ZNF407: variants seen among roughly 807,000 people sequenced by gnomAD.
The protein encoded by ZNF407 is zinc finger protein 407.
Under a neutral mutation model 131.2 loss-of-function variants are expected in ZNF407, and 17 were observed. The ratio of observed to expected loss-of-function variants is 0.13; its 90% CI spans 0.09 to 0.19. The LOEUF (loss-of-function observed/expected upper bound fraction) is 0.19, where lower values mean the gene tolerates loss of function less well. Among genes scored for constraint, ZNF407 ranks in the 10% least tolerant of loss-of-function variants. The pLI, the probability that ZNF407 is intolerant of heterozygous loss-of-function variation, is 1.00. For synonymous variants in ZNF407, 1,156 were observed against 1,062.0 expected, an observed-to-expected ratio of 1.09 and a Z score of -1.72; for missense variants, 2,681 against 2,830.6, an observed-to-expected ratio of 0.95 and a Z score of 1.20.
intron 3 of ZNF407, among the ~76,000 whole-genome samples, chr18:74,680,388 G>A (rs1437897393): frequency 2.3e-5 from 3 of 133,002 alleles, no homozygotes; most frequent in Non-Finnish European, 4.7e-5. Flanking sequence ...CAGCCTGGGT[G>A]AGACCTTGCC....
intron 8 of ZNF407, among the ~76,000 whole-genome samples, chr18:75,026,802 G>T (rs757180577): frequency 1.3e-5 from 2 of 152,148 alleles, no homozygotes; most frequent in Non-Finnish European, 2.9e-5. Flanking sequence ...TGCCTAAGTC[G>T]ATGACTGCTT....
chr18:74,858,103 T>C (rs1453299537), intron 4 of ZNF407, among the ~76,000 whole-genome samples: 1 of 139,904 alleles, frequency 7.1e-6, no homozygotes, highest in Admixed American at 7.2e-5. Flanking sequence ...CTTCCTCCCT[T>C]CCTTTGCTCC....
intron 8 of ZNF407, among the ~76,000 whole-genome samples, chr18:74,943,890 G>A (rs551361479): frequency 7.9e-5 from 12 of 152,186 alleles, no homozygotes; most frequent in Admixed American, 1.3e-4. Flanking sequence ...TGACACTCTC[G>A]TTCTACTGAA....
At chr18:74,754,765 C>T (rs1423634005) in intron 3 of ZNF407, among the ~76,000 whole-genome samples, 4 of 152,146 alleles carry the variant, frequency 2.6e-5, no homozygotes, top group Non-Finnish European at 5.9e-5. Context: ...AGCTTTACTT[C>T]CAACTATGTG....
At chr18:74,849,172 G>A (rs575027993) in intron 4 of ZNF407, among the ~76,000 whole-genome samples, 1 of 150,524 alleles carries the variant, frequency 6.6e-6, no homozygotes, top group Non-Finnish European at 1.5e-5. Context: ...TCCGCCTCCC[G>A]GTTTCAAGCA....
chr18:74,777,796 C>A (rs1402095468), intron 3 of ZNF407, among the ~76,000 whole-genome samples: 1 of 151,894 alleles, frequency 6.6e-6, no homozygotes, highest in East Asian at 1.9e-4. Context: ...GAAATGGAAG[C>A]TGAGGCTAGG....
Position 74,633,714 on chromosome 18 carries a change from G to A in ZNF407, c.2695G>A (p.Ala899Thr). Residue 899 changes from alanine to threonine, a missense_variant, in exon 2 of 9, where the codon GCC (alanine) becomes ACC (threonine). Ala to Thr is a moderately conservative substitution (Grantham distance 58). This residue lies in a region of ZNF407 where 1,789 missense variants were observed against 1,748.7 expected (regional missense o/e 1.02). Transcript: ENST00000299687. Reference sequence around the variant, plus strand: ...TAAGGGAGATATGGAACGTCATTGTGCCACCAAGAAACATAAAGGACGGGT... The same window carrying A: ...TAAGGGAGATATGGAACGTCATTGTACCACCAAGAAACATAAAGGACGGGT... Reference protein sequence around the residue: ...VTKGDMERHCATKKHKGRVEI... With the variant: ...VTKGDMERHCTTKKHKGRVEI... The A allele has an allele frequency of 6.2e-7, 1 of 1,613,972 alleles. No individual in the cohort carries two copies. Among genetic ancestry groups the A allele is most frequent in the East Asian group, 2.2e-5 (1 of 44,886 alleles).
At chr18:74,876,915 A>G (rs528214089) in intron 4 of ZNF407, among the ~76,000 whole-genome samples, 1 of 152,356 alleles carries the variant, frequency 6.6e-6, no homozygotes, top group Non-Finnish European at 1.5e-5. Flanking sequence ...AGGCCTGTAC[A>G]GGTGAAATCT....
At chr18:74,879,119 A>C (rs9963239) in intron 5 of ZNF407, among the ~76,000 whole-genome samples, 69,425 of 151,950 alleles carry the variant, frequency 0.46, 16,205 homozygotes, top group South Asian at 0.58. Flanking sequence ...AAAATATATA[A>C]AGCATATATG....
intron 8 of ZNF407, among the ~76,000 whole-genome samples, chr18:74,945,793 A>G (rs1972147575): frequency 6.6e-6 from 1 of 152,176 alleles, no homozygotes; most frequent in Non-Finnish European, 1.5e-5. Flanking sequence ...GTCATACAAT[A>G]ACATAGTAAT....
intron 7 of ZNF407, among the ~76,000 whole-genome samples, chr18:74,890,532 TTTATC>T (rs1390445639): frequency 1.3e-5 from 2 of 152,240 alleles, no homozygotes; most frequent in Admixed American, 6.5e-5. Context: ...ATTTTATACT[TTTATC>T]TTACAACTGC....
chr18:74,966,612 T>C (rs1309208527), intron 8 of ZNF407, among the ~76,000 whole-genome samples: 1 of 152,224 alleles, frequency 6.6e-6, no homozygotes, highest in East Asian at 1.9e-4. Context: ...CCTCCAGTTT[T>C]GTTATTTTTG....
chr18:75,003,305 G>A (rs1199116466), intron 8 of ZNF407, among the ~76,000 whole-genome samples: 2 of 152,144 alleles, frequency 1.3e-5, no homozygotes, highest in East Asian at 1.9e-4. Context: ...GACAGCTTTG[G>A]CCCATACACA....
chr18:74,880,537 T>C (rs1971223161), intron 5 of ZNF407, among the ~76,000 whole-genome samples: 1 of 152,192 alleles, frequency 6.6e-6, no homozygotes, highest in Non-Finnish European at 1.5e-5. Flanking sequence ...TTAATTCATA[T>C]TATTAAGAAG....
chr18:74,622,072 GT>G (rs1346321806), intron 1 of ZNF407, among the ~76,000 whole-genome samples: 1 of 151,066 alleles, frequency 6.6e-6, no homozygotes, highest in African/African-American at 2.4e-5. Flanking sequence ...ATGGAAGAGT[GT>G]TTTTTTTTCC....
At chr18:74,777,120 A>G (rs528152992) in intron 3 of ZNF407, among the ~76,000 whole-genome samples, 1 of 152,310 alleles carries the variant, frequency 6.6e-6, no homozygotes, top group South Asian at 2.1e-4. Flanking sequence ...CTCAAATTGA[A>G]ATAATTTTGT....
At chr18:74,875,878 A>G (rs1055382088) in intron 4 of ZNF407, among the ~76,000 whole-genome samples, 7 of 152,180 alleles carry the variant, frequency 4.6e-5, no homozygotes, top group African/African-American at 1.2e-4. Context: ...TTTTATTTCT[A>G]TTACATTTAA....
At chr18:74,657,907 C>A (rs895835571) in intron 3 of ZNF407, among the ~76,000 whole-genome samples, 11 of 71,780 alleles carry the variant, frequency 1.5e-4, no homozygotes, top group African/African-American at 6.1e-4. Context: ...TTCCTTTCTT[C>A]TTCTTCTTCT....
At chr18:74,627,505 T>A (rs1200362168) in intron 1 of ZNF407, among the ~76,000 whole-genome samples, 1 of 152,164 alleles carries the variant, frequency 6.6e-6, no homozygotes, top group Non-Finnish European at 1.5e-5. Context: ...CTGCTCTTCT[T>A]TTTTGGTTAG....
Sources: allele counts gnomAD v4.1 joint callset (sites outside exome capture counted in the v4.1 genomes callset), GRCh38; gene constraint gnomAD v4.1.1; regional missense constraint gnomAD v4.1.1; transcripts MANE v1.5; gene names NCBI Gene and HGNC (gene_info 2026-07-23, HGNC 2026-07-21).